Variants in GUCY1A1 observed in about 807,000 individuals in gnomAD.
GUCY1A1 encodes the protein guanylate cyclase 1 soluble subunit alpha 1.
GUCY1A1 carries 48 observed loss-of-function variants against 64.5 expected under a neutral mutation model. The ratio of observed to expected loss-of-function variants is 0.74; its 90% CI spans 0.59 to 0.95. GUCY1A1 has a LOEUF of 0.95. Among genes scored for constraint, GUCY1A1 ranks in the 40% least tolerant of loss-of-function variants. The pLI is 0.00. For synonymous variants in GUCY1A1, 308 were observed against 303.4 expected (o/e 1.02, Z -0.16); for missense variants, 804 against 825.3 (o/e 0.97, Z 0.32).
intron 9 of GUCY1A1, among the ~76,000 whole-genome samples, chr4:155,727,200 C>A (rs1395048263): frequency 6.6e-6 from 1 of 151,916 alleles, no homozygotes; most frequent in African/African-American, 2.4e-5. Context: ...TGGGCTGTTG[C>A]TGCCTTTTTT....
In GUCY1A1 at chr4:155,713,488, A is replaced by G; in HGVS notation, c.1477A>G (p.Ile493Val). ...CTCAGACATCGTTGGGTTCACTGCC[A>G]TCTGCTCCCAGTGCTCACCGCTGCA... ...LFSDIVGFTA[I>V]CSQCSPLQVI... Residue 493 changes from isoleucine (I) to valine (V), a missense_variant, in exon 7 of 10, where the codon ATC becomes GTC. Coordinates refer to ENST00000506455, the MANE Select transcript of GUCY1A1 (RefSeq NM_001130682.3). The G allele has an allele frequency of 6.2e-7, 1 of 1,614,186 alleles. No homozygotes were observed.
chr4:155,704,423 A>C (rs1365572386), intron 4 of GUCY1A1, among the ~76,000 whole-genome samples: 1 of 152,182 alleles, frequency 6.6e-6, no homozygotes, highest in Non-Finnish European at 1.5e-5. Flanking sequence ...ATGCTGCCAA[A>C]GTTTTGAGCA....
chr4:155,678,688 A>G (rs1187827689), intron 2 of GUCY1A1, among the ~76,000 whole-genome samples: 1 of 152,194 alleles, frequency 6.6e-6, no homozygotes, highest in Non-Finnish European at 1.5e-5. Context: ...TTCTGCCCAC[A>G]TTGCAAGTTT....
At position 155,698,415 on chromosome 4, in the gene GUCY1A1, G is replaced by A. The variant is rs184428684; in HGVS notation, c.255+1293G>A. On this transcript the variant is annotated intron_variant, in intron 3 of 9. Coordinates refer to ENST00000506455, the MANE Select transcript of GUCY1A1 (RefSeq NM_001130682.3). ...GGATAGAGCCCTCCTCAGGGAGTTG[G>A]TTTGTAGCACAGTCTGGGAAACAAT... 3.3e-5 allele frequency among the ~76,000 whole-genome samples: 5 copies of A among 152,288 alleles called. No individual in the cohort carries two copies. In the East Asian group the frequency reaches 9.6e-4, roughly 29 times the overall value.
chr4:155,696,859 A>G lies in GUCY1A1; in HGVS notation c.-9A>G, dbSNP rs1239856417. 1.2e-6 allele frequency: 2 copies of G among 1,613,028 alleles called. No individual in the cohort carries two copies. The highest frequency in any genetic ancestry group is 1.7e-6 in the Non-Finnish European group (2 of 1,179,238). On this transcript the variant is annotated 5_prime_UTR_variant, in exon 3 of 10. Coordinates refer to ENST00000506455, the MANE Select transcript of GUCY1A1 (RefSeq NM_001130682.3). ...AGGAGATCGCAGCAGGGTAAGAGAC[A>G]CCAACACCATGTTCTGCACGAAGCT...
At chr4:155,721,928 GGT>G in intron 8 of GUCY1A1, 108 bp from the exon 9 acceptor site, 1 of 767,112 alleles carries the variant, frequency 1.3e-6, no homozygotes, top group South Asian at 1.7e-5. Context: ...GGAAAGGGGT[GGT>G]GTCCTGAGGG....
Position 155,700,545 on chromosome 4 carries a change from A to G in GUCY1A1, c.256-3387A>G, listed in dbSNP as rs141354924. ...GCAGTTTTTCCTGAAGTATTCATAT[A>G]TGGTATATTTGTGGCAAAAGTACTT... On this transcript the variant is annotated intron_variant, in intron 3 of 9. Transcript: ENST00000506455. 5.7e-4 allele frequency among the ~76,000 whole-genome samples: 87 copies of G among 152,320 alleles called. 1 individual carries two copies. Among genetic ancestry groups the G allele is most frequent in the African/African-American group, 2.0e-3 (84 of 41,578 alleles).
chr4:155,675,048 TA>T (rs1734707228), intron 2 of GUCY1A1, among the ~76,000 whole-genome samples: 1 of 151,508 alleles, frequency 6.6e-6, no homozygotes, highest in African/African-American at 2.5e-5. Flanking sequence ...TCAGCCCCAT[TA>T]TAAACATATG....
At chr4:155,681,462 A>G (rs898362244) in intron 2 of GUCY1A1, among the ~76,000 whole-genome samples, 2 of 152,172 alleles carry the variant, frequency 1.3e-5, no homozygotes, top group African/African-American at 4.8e-5. Context: ...GTAGTACTTT[A>G]TCACTATAAC....
At chr4:155,695,363 A>C (rs1274271112) in intron 2 of GUCY1A1, among the ~76,000 whole-genome samples, 1 of 152,146 alleles carries the variant, frequency 6.6e-6, no homozygotes, top group Non-Finnish European at 1.5e-5. Flanking sequence ...AAAAAAACCT[A>C]ATTGAACTTC....
intron 3 of GUCY1A1, among the ~76,000 whole-genome samples, chr4:155,697,679 G>T (rs1730590834): frequency 6.6e-6 from 1 of 152,180 alleles, no homozygotes; most frequent in Non-Finnish European, 1.5e-5. Flanking sequence ...AGCCAGTCTT[G>T]ACTTTCTCCC....
intron 2 of GUCY1A1, among the ~76,000 whole-genome samples, chr4:155,683,423 C>T (rs953622430): frequency 6.6e-6 from 1 of 152,098 alleles, no homozygotes; most frequent in Non-Finnish European, 1.5e-5. Context: ...CGTGTTTATA[C>T]CAGATGACTC....
chr4:155,721,837 TAAG>T (rs1345446255), intron 8 of GUCY1A1, among the ~76,000 whole-genome samples, 198 bp from the exon 9 acceptor site: 1 of 152,126 alleles, frequency 6.6e-6, no homozygotes, highest in African/African-American at 2.4e-5. Flanking sequence ...GGAAAAGAGT[TAAG>T]AAGTGTGACT....
At chr4:155,680,457 T>TAC (rs1491177161) in intron 2 of GUCY1A1, among the ~76,000 whole-genome samples, 1 of 90,040 alleles carries the variant, frequency 1.1e-5, no homozygotes, top group African/African-American at 3.9e-5. Context: ...CAATTTTAAG[T>TAC]ATATGTGTGT....
chr4:155,724,462 T>A (rs1734391729), intron 9 of GUCY1A1, among the ~76,000 whole-genome samples: 1 of 152,090 alleles, frequency 6.6e-6, no homozygotes, highest in African/African-American at 2.4e-5. Flanking sequence ...CTCCAGTCAG[T>A]GTTTACTCCA....
intron 2 of GUCY1A1, among the ~76,000 whole-genome samples, chr4:155,675,178 G>A (rs893118683): frequency 6.6e-6 from 1 of 151,570 alleles, no homozygotes; most frequent in Non-Finnish European, 1.5e-5. Flanking sequence ...TCACTTTGCA[G>A]CTTCAAATAT....
chr4:155,721,923 G>A, intron 8 of GUCY1A1, 115 bp from the exon 9 acceptor site: 1 of 746,434 alleles, frequency 1.3e-6, no homozygotes, highest in Non-Finnish European at 2.3e-6. Flanking sequence ...TTTGAGGAAA[G>A]GGGTGGTGTC....
At chr4:155,691,775 A>AT (rs925518588) in intron 2 of GUCY1A1, among the ~76,000 whole-genome samples, 2 of 151,926 alleles carry the variant, frequency 1.3e-5, no homozygotes, top group Admixed American at 1.3e-4. Flanking sequence ...ACTTTTTTCG[A>AT]TTTTTTTATT....
intron 6 of GUCY1A1, among the ~76,000 whole-genome samples, chr4:155,711,668 CA>C (rs1190440064): frequency 6.6e-6 from 1 of 152,016 alleles, no homozygotes; most frequent in Non-Finnish European, 1.5e-5. Flanking sequence ...ATGAAAAAAA[CA>C]AATAATTTAT....
Sources: allele counts gnomAD v4.1 joint callset (sites outside exome capture counted in the v4.1 genomes callset), GRCh38; gene constraint gnomAD v4.1.1; transcripts MANE v1.5; gene names NCBI Gene and HGNC (gene_info 2026-07-23, HGNC 2026-07-21).